Variants in KCNJ12 observed in about 807,000 individuals in gnomAD.
KCNJ12 encodes the protein ATP-sensitive inward rectifier potassium channel 12.
A neutral mutation model predicts 22.3 loss-of-function variants in KCNJ12; 2 were observed. That is an observed-to-expected ratio of 0.09 (90% CI 0.04 to 0.28). The LOEUF is 0.28. Ranked by LOEUF, KCNJ12 falls within the 10% of genes least tolerant of loss-of-function variation. KCNJ12 has a pLI of 1.00. For missense variants in KCNJ12, 155 were observed against 633.3 expected (o/e 0.24, Z 8.11); for synonymous variants, 117 against 261.4 (o/e 0.45, Z 5.33).
At chr17:21,389,029 G>A (rs2144775451) in intron 1 of KCNJ12, among the ~76,000 whole-genome samples, 1 of 152,330 alleles carries the variant, frequency 6.6e-6, no homozygotes, top group African/African-American at 2.4e-5. Flanking sequence ...GAGGTAAGCT[G>A]CATCACCTCT....
intron 1 of KCNJ12, among the ~76,000 whole-genome samples, chr17:21,399,054 C>T (rs1905484988): frequency 6.6e-6 from 1 of 152,160 alleles, no homozygotes; most frequent in African/African-American, 2.4e-5. Flanking sequence ...TTGTGCACCC[C>T]CTCAGCATTG....
chr17:21,408,046 C>T (rs1314833767), intron 1 of KCNJ12, among the ~76,000 whole-genome samples: 1 of 152,284 alleles, frequency 6.6e-6, no homozygotes, highest in Non-Finnish European at 1.5e-5. Flanking sequence ...TCCACCCACC[C>T]AGCTATTCAC....
intron 1 of KCNJ12, among the ~76,000 whole-genome samples, chr17:21,397,290 G>A (rs902867797): frequency 1.3e-5 from 2 of 152,186 alleles, no homozygotes; most frequent in African/African-American, 2.4e-5. Flanking sequence ...CTGTAGCTGC[G>A]ATCACAGCTC....
chr17:21,391,925 G>A (rs1206646195), intron 1 of KCNJ12, among the ~76,000 whole-genome samples: 1 of 152,238 alleles, frequency 6.6e-6, no homozygotes, highest in Non-Finnish European at 1.5e-5. Context: ...TGGCAAGGTG[G>A]TCTCCCAGCT....
chr17:21,381,177 T>C (rs939285149), intron 1 of KCNJ12, among the ~76,000 whole-genome samples: 7 of 152,158 alleles, frequency 4.6e-5, no homozygotes, highest in African/African-American at 1.7e-4. Flanking sequence ...TGACTCCCCC[T>C]GCCCACCTGG....
intron 1 of KCNJ12, among the ~76,000 whole-genome samples, chr17:21,403,110 C>G (rs1354504287): frequency 5.3e-5 from 8 of 152,308 alleles, no homozygotes; most frequent in African/African-American, 7.2e-5. Context: ...TGGAAGACTT[C>G]ATGGAGGAGG....
At chr17:21,385,818 G>A (rs1392646626) in intron 1 of KCNJ12, among the ~76,000 whole-genome samples, 2 of 152,232 alleles carry the variant, frequency 1.3e-5, no homozygotes, top group Non-Finnish European at 2.9e-5. Flanking sequence ...GGGTGGGGAT[G>A]CCCCAGATCA....
chr17:21,402,430 G>T (rs5005946), intron 1 of KCNJ12, among the ~76,000 whole-genome samples: 1 of 152,310 alleles, frequency 6.6e-6, no homozygotes, highest in Non-Finnish European at 1.5e-5. Flanking sequence ...CTGGGCAGAC[G>T]CCGCTGAGCG....
At chr17:21,382,682 A>C (rs977896667) in intron 1 of KCNJ12, among the ~76,000 whole-genome samples, 10 of 152,128 alleles carry the variant, frequency 6.6e-5, no homozygotes, top group Non-Finnish European at 2.9e-5. Flanking sequence ...CTCAGAAAAG[A>C]CAGGGCTGGT....
At chr17:21,395,724 T>G (rs1905340474) in intron 1 of KCNJ12, among the ~76,000 whole-genome samples, 1 of 152,164 alleles carries the variant, frequency 6.6e-6, no homozygotes, top group African/African-American at 2.4e-5. Context: ...TCACATCATA[T>G]TGCCCCCATG....
chr17:21,385,729 A>G (rs555067494), intron 1 of KCNJ12, among the ~76,000 whole-genome samples: 9 of 152,264 alleles, frequency 5.9e-5, no homozygotes, highest in African/African-American at 2.2e-4. Context: ...CCTGGCCTCC[A>G]TCCCACGGTA....
At chr17:21,396,169 C>T (rs1382184611) in intron 1 of KCNJ12, among the ~76,000 whole-genome samples, 1 of 152,178 alleles carries the variant, frequency 6.6e-6, no homozygotes, top group African/African-American at 2.4e-5. Context: ...GGGTGAGGGG[C>T]TGGCTGGGCT....
At chr17:21,404,976 C>T (rs1210299801) in intron 1 of KCNJ12, among the ~76,000 whole-genome samples, 4 of 152,414 alleles carry the variant, frequency 2.6e-5, no homozygotes, top group Admixed American at 2.6e-4. Flanking sequence ...CTTTACGCCA[C>T]GGAATGTGAG....
At chr17:21,398,331 G>A (rs537881899) in intron 1 of KCNJ12, among the ~76,000 whole-genome samples, 2 of 152,164 alleles carry the variant, frequency 1.3e-5, no homozygotes, top group Non-Finnish European at 2.9e-5. Flanking sequence ...TCTGGTACCC[G>A]AGGCCCTGCC....
intron 2 of KCNJ12, among the ~76,000 whole-genome samples, chr17:21,409,530 T>C (rs1349766028): frequency 1.3e-5 from 2 of 152,310 alleles, no homozygotes; most frequent in African/African-American, 4.8e-5. Flanking sequence ...GCTGGGGCAC[T>C]GGAGCCGACT....
chr17:21,410,477 G>T (rs1215332711), intron 2 of KCNJ12, among the ~76,000 whole-genome samples: 1 of 152,270 alleles, frequency 6.6e-6, no homozygotes, highest in African/African-American at 2.4e-5. Context: ...GGGGAGGCGT[G>T]CGCCAGCCTT....
intron 2 of KCNJ12, among the ~76,000 whole-genome samples, chr17:21,411,648 G>T (rs1245385835): frequency 6.6e-6 from 1 of 152,304 alleles, no homozygotes; most frequent in Non-Finnish European, 1.5e-5. Flanking sequence ...TTTGGACTTG[G>T]TTCTCCCATC....
chr17:21,410,578 G>A (rs1291244837), intron 2 of KCNJ12, among the ~76,000 whole-genome samples: 21 of 152,174 alleles, frequency 1.4e-4, no homozygotes, highest in African/African-American at 4.1e-4. Flanking sequence ...GTGAGTGGCC[G>A]TGGGTTGGAG....
chr17:21,406,226 C>T (rs1412782241), intron 1 of KCNJ12, among the ~76,000 whole-genome samples: 3 of 152,300 alleles, frequency 2.0e-5, no homozygotes, highest in African/African-American at 4.8e-5. Context: ...ATTGTCCCTC[C>T]TCCAAGGCAG....
Sources: gnomAD v4.1 joint callset for allele counts (sites outside exome capture counted in the v4.1 genomes callset) on GRCh38, gnomAD v4.1.1 for gene constraint, MANE v1.5 for transcripts, NCBI Gene and HGNC (gene_info 2026-07-23, HGNC 2026-07-21) for gene names.